Variants in TMEM132B observed in about 807,000 individuals in gnomAD.
TMEM132B encodes the protein transmembrane protein 132B.
In TMEM132B, 18 loss-of-function variants were observed where a neutral mutation model predicts 90.8. The ratio of observed to expected loss-of-function variants is 0.20; its 90% CI spans 0.14 to 0.29. The LOEUF (loss-of-function observed/expected upper bound fraction) is 0.29, where lower values mean the gene tolerates loss of function less well. Among genes scored for constraint, TMEM132B ranks in the 10% least tolerant of loss-of-function variants. The pLI is 1.00. For missense variants in TMEM132B, 1,096 were observed against 1,326.8 expected (o/e 0.83, Z 2.70); for synonymous variants, 504 against 523.3 (o/e 0.96, Z 0.50).
At chr12:125,258,005 T>C (rs946070057) in intron 1 of TMEM132B, among the ~76,000 whole-genome samples, 8 of 152,256 alleles carry the variant, frequency 5.3e-5, no homozygotes, top group South Asian at 2.1e-4. Context: ...CAGCACAATT[T>C]GTTACAGCAG....
At chr12:125,624,881 A>T (rs1013850975) in intron 5 of TMEM132B, among the ~76,000 whole-genome samples, 2 of 152,122 alleles carry the variant, frequency 1.3e-5, no homozygotes, top group African/African-American at 4.8e-5. Flanking sequence ...ATACAGAGTA[A>T]AATGTGCTTT....
chr12:125,594,610 A>G (rs1434627937), intron 5 of TMEM132B, among the ~76,000 whole-genome samples: 2 of 152,078 alleles, frequency 1.3e-5, no homozygotes, highest in Non-Finnish European at 2.9e-5. Flanking sequence ...TTTGGTTTTA[A>G]TTTGCATATC....
At chr12:125,232,065 C>A (rs1338594982) in intron 1 of TMEM132B, among the ~76,000 whole-genome samples, 2 of 152,138 alleles carry the variant, frequency 1.3e-5, no homozygotes, top group African/African-American at 2.4e-5. Flanking sequence ...TATTCTAGAA[C>A]TTTACACACT....
chr12:125,661,750 C>A lies in TMEM132B; in HGVS notation c.*7040C>A, dbSNP rs528073044. The A allele has an allele frequency of 1.3e-5, 2 of 152,144 alleles. No homozygotes were observed. Among genetic ancestry groups the A allele is most frequent in the Non-Finnish European group, 2.9e-5 (2 of 68,030 alleles). The allele number at this position is 152,144 out of a possible 1,614,324, so 9.4% of individuals were successfully genotyped here. On this transcript the variant is annotated 3_prime_UTR_variant, in exon 9 of 9. Coordinates refer to ENST00000682704, the MANE Select transcript of TMEM132B (RefSeq NM_001366854.1). ...AAAGGCTGAGAGTGGAGAATTAAGT[C>A]ATAAGGAAATGATCAAACCTAGGGA...
At chr12:125,434,646 C>T (rs1880647614) in intron 3 of TMEM132B, among the ~76,000 whole-genome samples, 1 of 152,204 alleles carries the variant, frequency 6.6e-6, no homozygotes, top group African/African-American at 2.4e-5. Flanking sequence ...CGTCGCGTTC[C>T]ATCGAGGGGT....
intron 3 of TMEM132B, among the ~76,000 whole-genome samples, chr12:125,421,293 G>A (rs2136376355): frequency 6.6e-6 from 1 of 152,280 alleles, no homozygotes; most frequent in East Asian, 1.9e-4. Flanking sequence ...CCTAAGACTG[G>A]GTAATTTATA....
chr12:125,645,041 G>C (rs10846937), intron 6 of TMEM132B, among the ~76,000 whole-genome samples: 67,912 of 151,328 alleles, frequency 0.45, 16,064 homozygotes, highest in African/African-American at 0.57. Context: ...CATGGTGAAA[G>C]CCTGTCTCTA....
chr12:125,234,400 C>T (rs1189774683), intron 1 of TMEM132B, among the ~76,000 whole-genome samples: 1 of 152,158 alleles, frequency 6.6e-6, no homozygotes, highest in African/African-American at 2.4e-5. Flanking sequence ...GTGAGGTTTT[C>T]CCCATCACCT....
chr12:125,511,668 T>G (rs1044271259), intron 3 of TMEM132B, among the ~76,000 whole-genome samples: 1 of 151,586 alleles, frequency 6.6e-6, no homozygotes, highest in Admixed American at 6.6e-5. Context: ...CTGGCTAACA[T>G]GGTGAAACCC....
chr12:125,425,370 A>G (rs141125748), intron 3 of TMEM132B, among the ~76,000 whole-genome samples: 1 of 152,206 alleles, frequency 6.6e-6, no homozygotes, highest in African/African-American at 2.4e-5. Context: ...AAATTGCCAC[A>G]TTATCCTTTA....
At chr12:125,634,248 T>G (rs1886430029) in intron 5 of TMEM132B, among the ~76,000 whole-genome samples, 1 of 152,128 alleles carries the variant, frequency 6.6e-6, no homozygotes, top group Non-Finnish European at 1.5e-5. Flanking sequence ...CTACTGCCAA[T>G]GTTCCCTTAA....
rs1158674251 is a variant in TMEM132B, at chr12:125,459,969, C to A, written c.1106+44292C>A. On this transcript the variant is annotated intron_variant, in intron 3 of 8. Transcript: ENST00000682704. This position sits in a 1 kb window ranked among gnomAD's most constrained non-coding sequence, Gnocchi z 4.1. ...CATGTAAGACGTGCCTTTCACCTTCCACCATGATTGTGAGGCCTCCCCAGC... is the reference window on the plus strand; with the variant it reads ...CATGTAAGACGTGCCTTTCACCTTCAACCATGATTGTGAGGCCTCCCCAGC... Among the ~76,000 whole-genome samples, 1 of 152,194 alleles carries A rather than the reference C, an allele frequency of 6.6e-6. No homozygotes were observed. The highest frequency in any genetic ancestry group is 2.4e-5 in the African/African-American group (1 of 41,454).
At chr12:125,325,259 A>G (rs894250401) in intron 1 of TMEM132B, among the ~76,000 whole-genome samples, 1 of 152,086 alleles carries the variant, frequency 6.6e-6, no homozygotes, top group African/African-American at 2.4e-5. Context: ...CTGACAGGAA[A>G]CCTTTTGAAT....
intron 3 of TMEM132B, among the ~76,000 whole-genome samples, chr12:125,500,873 G>C (rs1882679289): frequency 6.6e-6 from 1 of 152,132 alleles, no homozygotes; most frequent in Admixed American, 6.5e-5. Context: ...TATTGAGTTA[G>C]GATCTCCAAT....
chr12:125,598,467 A>G (rs1744121344), intron 5 of TMEM132B, among the ~76,000 whole-genome samples: 1 of 152,194 alleles, frequency 6.6e-6, no homozygotes, highest in South Asian at 2.1e-4. Context: ...AGTGTAAATC[A>G]ATATGCCATC....
chr12:125,354,681 CAG>C (rs1877711147), intron 2 of TMEM132B, among the ~76,000 whole-genome samples: 1 of 152,234 alleles, frequency 6.6e-6, no homozygotes, highest in African/African-American at 2.4e-5. Context: ...GGGTGCATCA[CAG>C]GGAGTGAAAC....
intron 1 of TMEM132B, among the ~76,000 whole-genome samples, chr12:125,333,457 T>C (rs1876857593): frequency 6.6e-6 from 1 of 152,216 alleles, no homozygotes; most frequent in Non-Finnish European, 1.5e-5. Context: ...ATTACATTCA[T>C]GAAGAATAAA....
intron 3 of TMEM132B, among the ~76,000 whole-genome samples, chr12:125,438,966 T>G (rs1436298384): frequency 3.9e-5 from 6 of 152,258 alleles, no homozygotes; most frequent in Admixed American, 2.0e-4. Flanking sequence ...TTCCCATTCT[T>G]CTGTTGAGTA....
chr12:125,639,992 C>T (rs1293271636), intron 5 of TMEM132B, among the ~76,000 whole-genome samples: 1 of 152,176 alleles, frequency 6.6e-6, no homozygotes, highest in Non-Finnish European at 1.5e-5. Context: ...CCATCGAGGG[C>T]CCGGGTTCCT....
Sources: gnomAD v4.1 joint callset for allele counts (sites outside exome capture counted in the v4.1 genomes callset) on GRCh38, gnomAD v4.1.1 for gene constraint, Gnocchi (gnomAD v3.1) non-coding constraint, MANE v1.5 for transcripts, NCBI Gene and HGNC (gene_info 2026-07-23, HGNC 2026-07-21) for gene names.